The following SGCZ variants were observed in gnomAD, a reference collection of about 807,000 sequenced individuals.
SGCZ encodes zeta-sarcoglycan.
Under a neutral mutation model 41.3 loss-of-function variants are expected in SGCZ, and 40 were observed. That is an observed-to-expected ratio of 0.97 (90% CI 0.75 to 1.26). The LOEUF is 1.26. Ranked by LOEUF, SGCZ falls within the 50% of genes most tolerant of loss-of-function variation. The pLI is 0.00. For missense variants in SGCZ, 552 were observed against 369.8 expected (o/e 1.49, Z -4.04); for synonymous variants, 206 against 137.5 (o/e 1.50, Z -3.49).
chr8:15,172,159 T>TTTTTATTTATTTA, intron 1 of SGCZ, among the ~76,000 whole-genome samples: 1 of 96,996 alleles, frequency 1.0e-5, no homozygotes, highest in Non-Finnish European at 2.3e-5. Context: ...ACTCTGTTTT[T>TTTTTATTTATTTA]TTTTTTTTTT....
At chr8:14,616,229 G>C (rs1305353693) in intron 1 of SGCZ, among the ~76,000 whole-genome samples, 1 of 151,428 alleles carries the variant, frequency 6.6e-6, no homozygotes, top group Non-Finnish European at 1.5e-5. Flanking sequence ...CTTGCAGTGA[G>C]TGGAGATCGC....
At chr8:15,022,834 T>A (rs1339386094) in intron 1 of SGCZ, among the ~76,000 whole-genome samples, 1 of 152,228 alleles carries the variant, frequency 6.6e-6, no homozygotes, top group Admixed American at 6.5e-5. Flanking sequence ...AATAGTCTTG[T>A]GCAAGAATTA....
At chr8:14,349,594 C>G (rs1803015505) in intron 2 of SGCZ, among the ~76,000 whole-genome samples, 2 of 152,014 alleles carry the variant, frequency 1.3e-5, no homozygotes, top group African/African-American at 2.4e-5. Context: ...CTCTGAGATC[C>G]TAGTGGAGGA....
chr8:15,113,967 G>T (rs1340268035), intron 1 of SGCZ, among the ~76,000 whole-genome samples: 1 of 152,118 alleles, frequency 6.6e-6, no homozygotes. Flanking sequence ...TGCCTCCTCA[G>T]TCATTTTTTG....
At chr8:14,900,336 C>A (rs749209483) in intron 1 of SGCZ, among the ~76,000 whole-genome samples, 2 of 152,122 alleles carry the variant, frequency 1.3e-5, no homozygotes, top group African/African-American at 4.8e-5. Context: ...AAACCCCCAA[C>A]GGCTCTAGAT....
intron 4 of SGCZ, among the ~76,000 whole-genome samples, chr8:14,170,794 G>A (rs554454649): frequency 1.3e-5 from 2 of 151,702 alleles, no homozygotes; most frequent in South Asian, 4.2e-4. Context: ...TTTTTGACTC[G>A]TTAAGAAAAA....
chr8:14,233,295 T>G (rs965446424), intron 4 of SGCZ, among the ~76,000 whole-genome samples: 1 of 151,902 alleles, frequency 6.6e-6, no homozygotes, highest in African/African-American at 2.4e-5. Flanking sequence ...AAGCAATATA[T>G]AGCTTAATAA....
chr8:14,953,807 A>G (rs1291823825), intron 1 of SGCZ, among the ~76,000 whole-genome samples: 2 of 152,234 alleles, frequency 1.3e-5, no homozygotes, highest in African/African-American at 4.8e-5. Flanking sequence ...AAAATACTCA[A>G]GCAATATACA....
intron 1 of SGCZ, among the ~76,000 whole-genome samples, chr8:15,234,259 T>C (rs1651998125): frequency 6.6e-6 from 1 of 152,228 alleles, no homozygotes; most frequent in Admixed American, 6.5e-5. Context: ...AGGCACCCAG[T>C]ACTCTATAAC....
chr8:14,156,843 C>A (rs1165796876), intron 5 of SGCZ, among the ~76,000 whole-genome samples: 1 of 152,156 alleles, frequency 6.6e-6, no homozygotes, highest in African/African-American at 2.4e-5. Flanking sequence ...GAGACAATAA[C>A]ACAGATGAAG....
At chr8:14,364,936 A>T (rs1025934600) in intron 2 of SGCZ, among the ~76,000 whole-genome samples, 1 of 152,084 alleles carries the variant, frequency 6.6e-6, no homozygotes, top group African/African-American at 2.4e-5. Context: ...AAATGTCACA[A>T]AATAATTCTT....
intron 1 of SGCZ, among the ~76,000 whole-genome samples, chr8:14,674,094 C>G (rs550489924): frequency 1.6e-4 from 25 of 152,104 alleles, no homozygotes; most frequent in South Asian, 4.1e-4. Context: ...TTAGTATAAA[C>G]TGTTAAAACC....
At chr8:14,448,197 C>A (rs1800489753) in intron 2 of SGCZ, among the ~76,000 whole-genome samples, 1 of 152,104 alleles carries the variant, frequency 6.6e-6, no homozygotes, top group African/African-American at 2.4e-5. Context: ...AAGAGAGATT[C>A]AAGGTTTACC....
At chr8:14,437,519 T>C (rs1004036910) in intron 2 of SGCZ, among the ~76,000 whole-genome samples, 1 of 152,070 alleles carries the variant, frequency 6.6e-6, no homozygotes, top group Non-Finnish European at 1.5e-5. Context: ...TTTCAAGCAA[T>C]ACATTTTTCA....
At chr8:14,259,550 C>G (rs1009852432) in intron 3 of SGCZ, among the ~76,000 whole-genome samples, 7 of 143,268 alleles carry the variant, frequency 4.9e-5, no homozygotes, top group Admixed American at 1.4e-4. Flanking sequence ...TTTCCCAGCA[C>G]CATTTATTAA....
intron 2 of SGCZ, among the ~76,000 whole-genome samples, chr8:14,499,928 A>G (rs906901504): frequency 2.6e-5 from 4 of 152,046 alleles, no homozygotes; most frequent in Admixed American, 6.6e-5. Flanking sequence ...AGATCCTCAA[A>G]TTCTATTGGC....
chr8:14,181,485 C>G (rs1804724546), intron 4 of SGCZ, among the ~76,000 whole-genome samples: 1 of 152,202 alleles, frequency 6.6e-6, no homozygotes, highest in Admixed American at 6.5e-5. Context: ...AGAGAACCAA[C>G]ATAAGCTCTT....
intron 1 of SGCZ, among the ~76,000 whole-genome samples, chr8:14,640,676 A>G (rs368883788): frequency 7.7e-6 from 1 of 129,778 alleles, no homozygotes; most frequent in African/African-American, 2.8e-5. Flanking sequence ...GTGTGTGTAT[A>G]TATTTGCTTT....
intron 1 of SGCZ, among the ~76,000 whole-genome samples, chr8:15,193,261 T>G (rs952114953): frequency 6.6e-6 from 1 of 152,088 alleles, no homozygotes; most frequent in African/African-American, 2.4e-5. Flanking sequence ...ATCAAAAATA[T>G]GGAAAGTTGC....
Sources: allele counts gnomAD v4.1 joint callset (sites outside exome capture counted in the v4.1 genomes callset), GRCh38; gene constraint gnomAD v4.1.1; transcripts MANE v1.5; gene names NCBI Gene and HGNC (gene_info 2026-07-23, HGNC 2026-07-21).